Variants in SRGAP3 observed in about 807,000 individuals in gnomAD.
SRGAP3 encodes the protein SLIT-ROBO Rho GTPase-activating protein 3.
A neutral mutation model predicts 121.1 loss-of-function variants in SRGAP3; 39 were observed. That is an observed-to-expected ratio of 0.32 (90% CI 0.25 to 0.42). The LOEUF is 0.42. Among genes scored for constraint, SRGAP3 ranks in the 10% least tolerant of loss-of-function variants. SRGAP3 has a pLI of 1.00. For synonymous variants in SRGAP3, 601 were observed against 570.0 expected (o/e 1.05, Z -0.77); for missense variants, 1,213 against 1,470.6 (o/e 0.82, Z 2.86).
chr3:9,105,092 T>C (rs1330340464), intron 2 of SRGAP3, among the ~76,000 whole-genome samples: 1 of 152,238 alleles, frequency 6.6e-6, no homozygotes, highest in Non-Finnish European at 1.5e-5. Flanking sequence ...CTGAATGTGG[T>C]GCTTGCTCCA....
intron 1 of SRGAP3, among the ~76,000 whole-genome samples, chr3:9,156,600 A>C (rs571872963): frequency 3.3e-5 from 5 of 152,170 alleles, no homozygotes; most frequent in Non-Finnish European, 7.4e-5. Context: ...TCTCACCCCA[A>C]ATTTCAAGTA....
intron 1 of SRGAP3, among the ~76,000 whole-genome samples, chr3:9,199,081 T>A (rs1951994494): frequency 6.6e-6 from 1 of 152,128 alleles, no homozygotes; most frequent in East Asian, 1.9e-4. Context: ...CCATCCTTTT[T>A]AAGCCAGCTA....
At position 9,015,720 on chromosome 3, in the gene SRGAP3, G is replaced by A. The variant is rs1943604693; in HGVS notation, c.1690C>T (p.Leu564Phe). 6.2e-7 allele frequency: 1 copy of A among 1,614,116 alleles called. No individual in the cohort carries two copies. Among genetic ancestry groups the A allele is most frequent in the Non-Finnish European group, 8.5e-7 (1 of 1,180,026 alleles). ...TCTCGTTCATTTTGATCGTCCACAAGGGGGTCTTCACCTGAGTGGAAACAA... is the reference window on the plus strand; with the variant it reads ...TCTCGTTCATTTTGATCGTCCACAAAGGGGTCTTCACCTGAGTGGAAACAA... ...KNSFERGEDPLVDDQNERDIN... is the reference protein window; with the variant it reads ...KNSFERGEDPFVDDQNERDIN... The change falls in exon 15 of 22, where the codon CTT becomes TTT. Residue 564 changes from leucine (L) to phenylalanine (F), a missense_variant. Coordinates refer to ENST00000383836, the MANE Select transcript of SRGAP3 (RefSeq NM_014850.4).
rs562633091 is a variant in SRGAP3, at chr3:9,035,283, T to G, written c.1437-2531A>C. 135 of 156,870 alleles carry G rather than the reference T, an allele frequency of 8.6e-4. No homozygotes were observed. In the Middle Eastern group the frequency reaches 8.8e-3, roughly 10 times the overall value. 9.7% of individuals were successfully genotyped at this position (156,870 alleles called of 1,614,324 possible). ...ACTGGAGGGTTTCCTTAAAAGAAAG[T>G]CCTAAGTGTTTTTTGTTTTTTCTTA... On this transcript the variant is annotated intron_variant, in intron 11 of 21. Transcript: ENST00000383836.
At chr3:9,257,365 C>T (rs1370688925) in intron 3 of SRGAP3, 2 of 152,056 alleles carry the variant, frequency 1.3e-5, no homozygotes, top group African/African-American at 4.8e-5. Context: ...TTCTCTCTGC[C>T]CTATGAGGAC....
chr3:9,216,804 T>G (rs1560438249), intron 1 of SRGAP3: 1 of 152,432 alleles, frequency 6.6e-6, no homozygotes, highest in African/African-American at 2.4e-5. Context: ...ATGCGGCCTC[T>G]ACGCATACAA....
intron 18 of SRGAP3, among the ~76,000 whole-genome samples, chr3:8,998,560 T>C (rs1481377406): frequency 2.0e-5 from 3 of 151,764 alleles, no homozygotes; most frequent in East Asian, 1.9e-4. Context: ...ATATACTATA[T>C]ATATGTATAT....
At chr3:9,271,766 G>A (rs922735675) in intron 3 of SRGAP3, among the ~76,000 whole-genome samples, 1 of 152,204 alleles carries the variant, frequency 6.6e-6, no homozygotes, top group African/African-American at 2.4e-5. Context: ...AAAGCACAGC[G>A]TGGCAGAGGA....
At chr3:9,171,300 G>T (rs1013315848) in intron 1 of SRGAP3, among the ~76,000 whole-genome samples, 1 of 152,238 alleles carries the variant, frequency 6.6e-6, no homozygotes, top group African/African-American at 2.4e-5. Flanking sequence ...AGCCTCCAGC[G>T]CATGGGAAGA....
intron 3 of SRGAP3, among the ~76,000 whole-genome samples, chr3:9,092,961 TTCTC>T (rs145213265): frequency 5.3e-5 from 8 of 149,768 alleles, no homozygotes; most frequent in South Asian, 2.1e-4. Context: ...TATATACATA[TTCTC>T]TCTCTCTCTC....
At position 9,220,492 on chromosome 3, in the gene SRGAP3, G is replaced by T. The variant is rs143383288; in HGVS notation, c.67+28393C>A. ...CTGCTCTTTCCTCCCTAAAAATGCT[G>T]CCCAGATTATCATGCAATGGCCCAA... On this transcript the variant is annotated intron_variant, in intron 1 of 21. Transcript: ENST00000383836. Among the ~76,000 whole-genome samples, 105 of 152,224 alleles carry T rather than the reference G, an allele frequency of 6.9e-4. 1 individual carries two copies. The highest frequency in any genetic ancestry group is 1.2e-3 in the Non-Finnish European group (83 of 68,016).
chr3:9,005,796 T>C (rs1943035606), intron 18 of SRGAP3, among the ~76,000 whole-genome samples: 1 of 152,128 alleles, frequency 6.6e-6, no homozygotes, highest in African/African-American at 2.4e-5. Context: ...TAAGGAGTGA[T>C]AGCTAAAGGG....
rs373033033 is a variant in SRGAP3, at chr3:9,172,927, C to T, written c.68-48010G>A. Among the ~76,000 whole-genome samples the T allele has an allele frequency of 4.6e-5, 7 of 152,260 alleles. No individual in the cohort carries two copies. In the South Asian group the frequency reaches 6.2e-4, roughly 14 times the overall value. On this transcript the variant is annotated intron_variant, in intron 1 of 21. Coordinates refer to ENST00000383836, the MANE Select transcript of SRGAP3 (RefSeq NM_014850.4). Reference sequence around the variant, plus strand: ...GATGAGACTCTAGGTGGCACAGGGACGCCGCAGGCAGGAAGGCCAGAGGGA... The same window carrying T: ...GATGAGACTCTAGGTGGCACAGGGATGCCGCAGGCAGGAAGGCCAGAGGGA...
chr3:9,347,874 G>C (rs111304979), intron 1 of SRGAP3, among the ~76,000 whole-genome samples: 1 of 152,198 alleles, frequency 6.6e-6, no homozygotes, highest in Admixed American at 6.5e-5. Context: ...GATCTACTGA[G>C]TAATACATTT....
chr3:9,010,511 C>T, intron 17 of SRGAP3, 124 bp from the exon 18 acceptor site: 1 of 1,000,080 alleles, frequency 1.0e-6, no homozygotes, highest in South Asian at 1.3e-5. Context: ...AGGCCTATAC[C>T]ATCCTATCTT....
intron 3 of SRGAP3, among the ~76,000 whole-genome samples, chr3:9,092,506 T>C (rs1326014149): frequency 6.6e-6 from 1 of 152,166 alleles, no homozygotes; most frequent in Non-Finnish European, 1.5e-5. Flanking sequence ...CGAGGCACTA[T>C]TGTTGAACCT....
At chr3:9,059,612 C>T (rs1946027997) in intron 6 of SRGAP3, 3 of 172,092 alleles carry the variant, frequency 1.7e-5, no homozygotes, top group African/African-American at 4.8e-5. Context: ...AGAAGCCCTC[C>T]CCAGCACCAC....
intron 3 of SRGAP3, among the ~76,000 whole-genome samples, chr3:9,303,161 A>C (rs1955096997): frequency 6.6e-6 from 1 of 152,090 alleles, no homozygotes; most frequent in African/African-American, 2.4e-5. Flanking sequence ...GCGGTGGCTC[A>C]TGTCTGTAAT....
chr3:9,130,674 C>A (rs1479990797), intron 1 of SRGAP3, among the ~76,000 whole-genome samples: 1 of 152,204 alleles, frequency 6.6e-6, no homozygotes. Flanking sequence ...CCTTGTTTTC[C>A]ATATTAAAAC....
Sources: allele counts gnomAD v4.1 joint callset (sites outside exome capture counted in the v4.1 genomes callset), GRCh38; gene constraint gnomAD v4.1.1; transcripts MANE v1.5; gene names NCBI Gene and HGNC (gene_info 2026-07-23, HGNC 2026-07-21).